The following FOXP2 variants were observed in gnomAD, a reference collection of about 807,000 sequenced individuals.
The protein encoded by FOXP2 is forkhead box protein P2.
FOXP2 carries 12 observed loss-of-function variants against 115.8 expected under a neutral mutation model. That is an observed-to-expected ratio of 0.10 (90% CI 0.07 to 0.17). FOXP2 has a LOEUF of 0.17. FOXP2 is among the 10% of genes least tolerant of loss of function. The pLI, the probability that FOXP2 is intolerant of heterozygous loss-of-function variation, is 1.00. For synonymous variants in FOXP2, 328 were observed against 297.7 expected, an observed-to-expected ratio of 1.10 and a Z score of -1.05; for missense variants, 629 against 843.5, an observed-to-expected ratio of 0.75 and a Z score of 3.15.
intron 2 of FOXP2, among the ~76,000 whole-genome samples, chr7:114,504,285 T>C (rs1797709205): frequency 6.6e-6 from 1 of 151,648 alleles, no homozygotes; most frequent in Admixed American, 6.6e-5. Context: ...TACTTTTTTC[T>C]CTCCATTTGC....
At chr7:114,606,885 G>T (rs1016774622) in intron 3 of FOXP2, among the ~76,000 whole-genome samples, 1 of 152,080 alleles carries the variant, frequency 6.6e-6, no homozygotes, top group Non-Finnish European at 1.5e-5. Flanking sequence ...TTTAATGCTC[G>T]CAATTAATGG....
At chr7:114,272,090 T>C (rs1796077406) in intron 1 of FOXP2, among the ~76,000 whole-genome samples, 1 of 145,084 alleles carries the variant, frequency 6.9e-6, no homozygotes, top group Non-Finnish European at 1.5e-5. Flanking sequence ...AATATATATA[T>C]TTAAATCATG....
chr7:114,599,604 C>CT (rs1047120795), intron 3 of FOXP2, among the ~76,000 whole-genome samples: 9 of 151,818 alleles, frequency 5.9e-5, no homozygotes, highest in Admixed American at 3.3e-4. Flanking sequence ...AGTAGTATAA[C>CT]TTTTTTTTAT....
intron 1 of FOXP2, among the ~76,000 whole-genome samples, chr7:114,213,534 G>A (rs117342221): frequency 0.035 from 5,283 of 152,062 alleles, 134 homozygotes; most frequent in Non-Finnish European, 0.05. Context: ...TATAATTAAT[G>A]TATTCCCATG....
chr7:114,102,494 T>C (rs1162681867), intron 1 of FOXP2, among the ~76,000 whole-genome samples: 1 of 151,992 alleles, frequency 6.6e-6, no homozygotes, highest in Non-Finnish European at 1.5e-5. Context: ...TGTGCCTGTG[T>C]TCCAGAAAGG....
chr7:114,482,625 A>T lies in FOXP2; in HGVS notation c.169-51992A>T, dbSNP rs1796609003. Among the ~76,000 whole-genome samples the T allele has an allele frequency of 3.3e-5, 5 of 151,516 alleles. 1 individual carries two copies. The South Asian group carries it at 1.0e-3, about 31-fold the overall frequency. On this transcript the variant is annotated intron_variant, in intron 2 of 16. Coordinates refer to ENST00000350908, the MANE Select transcript of FOXP2 (RefSeq NM_014491.4). ...AATTTTACTGCTTTTTTGGTTCTCC[A>T]TCACACCTACTCTTACCTTGCTCTA...
chr7:114,515,225 A>G (rs1207366158), intron 2 of FOXP2, among the ~76,000 whole-genome samples: 2 of 149,858 alleles, frequency 1.3e-5, no homozygotes, highest in Non-Finnish European at 1.5e-5. Flanking sequence ...TCCTTTGGGT[A>G]TATACCCAGT....
chr7:114,123,022 A>G (rs1791609674), intron 1 of FOXP2, among the ~76,000 whole-genome samples: 1 of 152,046 alleles, frequency 6.6e-6, no homozygotes, highest in Non-Finnish European at 1.5e-5. Context: ...AATCAAATTA[A>G]GAAATTAACA....
At chr7:114,142,848 AATTT>A (rs1324065280) in intron 1 of FOXP2, among the ~76,000 whole-genome samples, 3 of 151,990 alleles carry the variant, frequency 2.0e-5, no homozygotes, top group Non-Finnish European at 4.4e-5. Context: ...TGAAAAAAAA[AATTT>A]AACGCCCACT....
upstream of FOXP2, chr7:114,162,997 TAGA>T (rs1792882497): frequency 6.6e-6 from 1 of 152,114 alleles, no homozygotes; most frequent in Non-Finnish European, 1.5e-5. Flanking sequence ...ATCCTGGAAG[TAGA>T]AGAATACTCT....
chr7:114,664,404 CAGT>C lies in FOXP2; in HGVS notation c.1975_1977del (p.Ser659del). 6.2e-7 allele frequency: 1 copy of C among 1,613,570 alleles called. No individual in the cohort carries two copies. Among genetic ancestry groups the C allele is most frequent in the Non-Finnish European group, 8.5e-7 (1 of 1,179,676 alleles). On this transcript the variant is annotated inframe_deletion, in exon 16 of 17. Transcript: ENST00000350908. ...TGGATCACATTGACAGCAATGGAAA[CAGT>C]AGTCCGGGCTGCTCACCTCAGCCGC...
At chr7:114,355,823 C>T (rs553015757) in intron 2 of FOXP2, among the ~76,000 whole-genome samples, 31 of 152,046 alleles carry the variant, frequency 2.0e-4, no homozygotes, top group Non-Finnish European at 2.8e-4. Flanking sequence ...ATTAGAAAAA[C>T]GCTTTCATAC....
At chr7:114,135,146 C>A (rs1357529296) in intron 1 of FOXP2, among the ~76,000 whole-genome samples, 1 of 152,146 alleles carries the variant, frequency 6.6e-6, no homozygotes, top group Non-Finnish European at 1.5e-5. Context: ...AATTTCTAAT[C>A]CCTTTAGCAA....
chr7:114,628,773 AT>A, intron 4 of FOXP2, 96 bp downstream of exon 4: 2 of 1,460,712 alleles, frequency 1.4e-6, no homozygotes, highest in Non-Finnish European at 1.9e-6. Flanking sequence ...TTCAGTCTCC[AT>A]TTGAAAGGAC....
At position 114,692,472 on chromosome 7, in the gene FOXP2, C is replaced by T. The variant is rs1344748268; in HGVS notation, c.*2546C>T. On this transcript the variant is annotated 3_prime_UTR_variant, in exon 17 of 17. Coordinates refer to ENST00000350908, the MANE Select transcript of FOXP2 (RefSeq NM_014491.4). Reference sequence around the variant, plus strand: ...CTTGGTCTGTATTTTGATAATTGTGCATATTATGTAAAAATGTTGGTGGAC... The same window carrying T: ...CTTGGTCTGTATTTTGATAATTGTGTATATTATGTAAAAATGTTGGTGGAC... 4.4e-6 allele frequency: 2 copies of T among 453,006 alleles called. No homozygotes were observed. The highest frequency in any genetic ancestry group is 2.0e-5 in the African/African-American group (1 of 49,904). 28.1% of individuals were successfully genotyped at this position (453,006 alleles called of 1,614,324 possible).
intron 13 of FOXP2, chr7:114,661,661 T>C: frequency 4.2e-6 from 1 of 239,282 alleles, no homozygotes; most frequent in Non-Finnish European, 8.3e-6. Context: ...CTGTAGCCTT[T>C]TTAGCATTTT....
rs559125980 is a variant in FOXP2 at position 114,559,191 on chromosome 7, C to T, written c.258+24485C>T. 6.6e-5 allele frequency among the ~76,000 whole-genome samples: 10 copies of T among 152,286 alleles called. No individual in the cohort carries two copies. The East Asian group carries it at 7.7e-4, about 12-fold the overall frequency. ...CTCTCAAAATATAATAACTATATCA[C>T]TTACAGGAGCACTATGCACATCTTT... On this transcript the variant is annotated intron_variant, in intron 3 of 16. Transcript: ENST00000350908.
chr7:114,399,073 T>G (rs1792811812), intron 2 of FOXP2, among the ~76,000 whole-genome samples: 1 of 151,996 alleles, frequency 6.6e-6, no homozygotes, highest in South Asian at 2.1e-4. Flanking sequence ...TGACTTTCTG[T>G]AAATTGAATA....
intron 16 of FOXP2, among the ~76,000 whole-genome samples, chr7:114,681,278 A>G (rs1207650232): frequency 3.3e-5 from 5 of 152,228 alleles, no homozygotes; most frequent in African/African-American, 1.2e-4. Context: ...TTACATCATT[A>G]TAGATACAGG....
Sources: gnomAD v4.1 joint callset for allele counts (sites outside exome capture counted in the v4.1 genomes callset) on GRCh38, gnomAD v4.1.1 for gene constraint, MANE v1.5 for transcripts, NCBI Gene and HGNC (gene_info 2026-07-23, HGNC 2026-07-21) for gene names.